Variants in ENOX1 observed in about 807,000 individuals in gnomAD.
ENOX1 encodes ecto-NOX disulfide-thiol exchanger 1, also known as candidate growth-related and time keeping constitutive hydroquinone (NADH) oxidase.
In ENOX1, 42 loss-of-function variants were observed where a neutral mutation model predicts 82.5. That is an observed-to-expected ratio of 0.51 (90% CI 0.40 to 0.66). The LOEUF (loss-of-function observed/expected upper bound fraction) is 0.66. Ranked by LOEUF, ENOX1 falls within the 30% of genes least tolerant of loss-of-function variation. ENOX1 has a pLI of 0.00. For synonymous variants in ENOX1, 271 were observed against 282.2 expected (o/e 0.96, Z 0.40); for missense variants, 608 against 811.6 (o/e 0.75, Z 3.05).
chr13:43,445,935 T>G (rs2056628778), intron 3 of ENOX1, among the ~76,000 whole-genome samples: 1 of 152,154 alleles, frequency 6.6e-6, no homozygotes, highest in African/African-American at 2.4e-5. Context: ...CAGCCTTCCC[T>G]TTTCATTGCT....
intron 1 of ENOX1, among the ~76,000 whole-genome samples, chr13:43,765,883 T>C (rs1159507066): frequency 6.6e-6 from 1 of 152,078 alleles, no homozygotes; most frequent in Admixed American, 6.6e-5. Flanking sequence ...ACAAATAGAG[T>C]ATGATGTCTT....
chr13:43,624,070 T>C (rs892716415), intron 2 of ENOX1, among the ~76,000 whole-genome samples: 2 of 152,340 alleles, frequency 1.3e-5, no homozygotes, highest in East Asian at 3.9e-4. Context: ...TTAGTTCCTC[T>C]GCATCTTGCT....
chr13:43,340,864 CTATGT>C (rs1290449164), intron 9 of ENOX1, among the ~76,000 whole-genome samples: 2 of 152,168 alleles, frequency 1.3e-5, no homozygotes, highest in Non-Finnish European at 1.5e-5. Context: ...TTGCATATTT[CTATGT>C]TATAAGGCTT....
chr13:43,313,407 C>T (rs2047316994), intron 11 of ENOX1, among the ~76,000 whole-genome samples: 1 of 152,200 alleles, frequency 6.6e-6, no homozygotes. Flanking sequence ...CTATCATTAT[C>T]TGATACTAGT....
At chr13:43,318,938 G>A (rs1050394795) in intron 11 of ENOX1, among the ~76,000 whole-genome samples, 2 of 151,960 alleles carry the variant, frequency 1.3e-5, no homozygotes, top group Non-Finnish European at 2.9e-5. Context: ...TATTTCTTGC[G>A]AACGCTATCC....
At chr13:43,245,131 T>C (rs2043020733) in intron 14 of ENOX1, among the ~76,000 whole-genome samples, 1 of 152,194 alleles carries the variant, frequency 6.6e-6, no homozygotes, top group Non-Finnish European at 1.5e-5. Flanking sequence ...CAGTGGCTGA[T>C]AAATGAAAGA....
At chr13:43,614,541 G>A (rs1013500699) in intron 2 of ENOX1, among the ~76,000 whole-genome samples, 2 of 26,820 alleles carry the variant, frequency 7.5e-5, no homozygotes, top group African/African-American at 1.8e-4. Flanking sequence ...AAAATAAAGG[G>A]CTTTTTTTTT....
chr13:43,436,499 A>G (rs2056037844), intron 3 of ENOX1, among the ~76,000 whole-genome samples: 1 of 152,348 alleles, frequency 6.6e-6, no homozygotes, highest in East Asian at 1.9e-4. Flanking sequence ...AGCTTTAAAT[A>G]AAGTCATGGA....
intron 1 of ENOX1, among the ~76,000 whole-genome samples, chr13:43,719,356 C>T (rs1430381321): frequency 1.3e-5 from 2 of 148,220 alleles, no homozygotes; most frequent in East Asian, 2.0e-4. Flanking sequence ...CACCAGCAAT[C>T]GCACATTCAA....
In ENOX1 at chr13:43,344,902, A is replaced by T. The variant is rs1369819464; in HGVS notation, c.824-152T>A. On this transcript the variant is annotated intron_variant, in intron 8 of 16. Transcript: ENST00000690772. ...CTTTCCTGAGACTGACTGCCATATC[A>T]TCACTTAACTTCTCTTTTCCCATCT... The T allele has an allele frequency of 4.1e-6, 3 of 730,706 alleles. No homozygotes were observed. The East Asian group carries it at 8.0e-5, about 20-fold the overall frequency. 45.3% of individuals were successfully genotyped at this position (730,706 alleles called of 1,614,324 possible). A position where few individuals can be genotyped will look rare whatever the true frequency, so the allele number is the denominator to read the frequency against.
chr13:43,512,232 C>A (rs933208517), intron 2 of ENOX1, among the ~76,000 whole-genome samples: 1 of 152,140 alleles, frequency 6.6e-6, no homozygotes, highest in Admixed American at 6.5e-5. Context: ...TAATTCTAAC[C>A]TGCTTTCCTT....
intron 9 of ENOX1, among the ~76,000 whole-genome samples, chr13:43,331,319 G>A (rs1055335164): frequency 5.9e-5 from 9 of 152,138 alleles, no homozygotes; most frequent in African/African-American, 9.7e-5. Context: ...GCTAAATAGC[G>A]GTGAAAGAGC....
rs530947637 is a variant in ENOX1, at chr13:43,382,809, T to C, written c.209-21357A>G. On this transcript the variant is annotated intron_variant, in intron 5 of 16. Transcript: ENST00000690772. ...ATGTCAATTCATTAAAGCTATAAAA[T>C]ATAACAGATACTTTAGGTCATAGGT... 1.1e-4 allele frequency among the ~76,000 whole-genome samples: 17 copies of C among 152,246 alleles called. 2 individuals are homozygous for C. The highest frequency in any genetic ancestry group is 9.7e-4 in the East Asian group (5 of 5,180).
intron 1 of ENOX1, among the ~76,000 whole-genome samples, chr13:43,730,866 T>C (rs2089300473): frequency 6.6e-6 from 1 of 152,180 alleles, no homozygotes; most frequent in African/African-American, 2.4e-5. Context: ...AGCTCAGGCC[T>C]CAGCTCCTCC....
chr13:43,509,161 T>C (rs2077278153), intron 2 of ENOX1, among the ~76,000 whole-genome samples: 1 of 152,080 alleles, frequency 6.6e-6, no homozygotes. Flanking sequence ...CAAAATAGCC[T>C]ATATCAGGGA....
intron 2 of ENOX1, among the ~76,000 whole-genome samples, chr13:43,543,219 G>A (rs2078820382): frequency 6.6e-6 from 1 of 152,066 alleles, no homozygotes; most frequent in African/African-American, 2.4e-5. Context: ...CTGGGGTTGA[G>A]TGGTAAAAAG....
At chr13:43,716,303 T>C (rs2088127358) in intron 1 of ENOX1, among the ~76,000 whole-genome samples, 1 of 152,168 alleles carries the variant, frequency 6.6e-6, no homozygotes, top group South Asian at 2.1e-4. Flanking sequence ...TGCAGGTCTG[T>C]TGGAGTTTGC....
intron 3 of ENOX1, among the ~76,000 whole-genome samples, chr13:43,466,720 G>A (rs2057741959): frequency 6.6e-6 from 1 of 152,070 alleles, no homozygotes; most frequent in Non-Finnish European, 1.5e-5. Flanking sequence ...ACAAAGTTGT[G>A]TGACCATTCT....
intron 1 of ENOX1, among the ~76,000 whole-genome samples, chr13:43,772,455 C>T (rs1951688388): frequency 6.6e-6 from 1 of 152,196 alleles, no homozygotes; most frequent in South Asian, 2.1e-4. Flanking sequence ...GGACTGTTGG[C>T]AGCCTTCAAT....
Sources: gnomAD v4.1 joint callset for allele counts (sites outside exome capture counted in the v4.1 genomes callset) on GRCh38, gnomAD v4.1.1 for gene constraint, MANE v1.5 for transcripts, NCBI Gene and HGNC (gene_info 2026-07-23, HGNC 2026-07-21) for gene names.